DCDC2: variants seen among roughly 807,000 people sequenced by gnomAD.
DCDC2 encodes the protein doublecortin domain containing 2.
A neutral mutation model predicts 50.2 loss-of-function variants in DCDC2; 40 were observed. That is an observed-to-expected ratio of 0.80 (90% confidence interval 0.62 to 1.04). The LOEUF is 1.04. Among genes scored for constraint, DCDC2 ranks in the 50% least tolerant of loss-of-function variants. The pLI, the probability that DCDC2 is intolerant of heterozygous loss-of-function variation, is 0.00. For missense variants in DCDC2, 570 were observed against 581.9 expected, an observed-to-expected ratio of 0.98 and a Z score of 0.21; for synonymous variants, 234 against 210.6, an observed-to-expected ratio of 1.11 and a Z score of -0.96.
chr6:24,178,186 G>T, intron 9 of DCDC2, 144 bp downstream of exon 9: 2 of 790,296 alleles, frequency 2.5e-6, no homozygotes, highest in South Asian at 1.7e-5. Context: ...TAAGTAAAGG[G>T]ATTAAATGGT....
intron 7 of DCDC2, among the ~76,000 whole-genome samples, chr6:24,223,443 T>A (rs1305344581): frequency 6.6e-6 from 1 of 152,212 alleles, no homozygotes; most frequent in Non-Finnish European, 1.5e-5. Context: ...ATATTTTGTG[T>A]ATCGAGCACT....
At chr6:24,188,811 T>TA (rs764638558) in intron 8 of DCDC2, among the ~76,000 whole-genome samples, 4 of 152,078 alleles carry the variant, frequency 2.6e-5, no homozygotes, top group Non-Finnish European at 5.9e-5. Context: ...AAATCCCCAT[T>TA]AAACTGATGT....
chr6:24,269,501 G>A (rs1407863838), intron 7 of DCDC2, among the ~76,000 whole-genome samples: 3 of 152,164 alleles, frequency 2.0e-5, no homozygotes, highest in Non-Finnish European at 4.4e-5. Context: ...TAAGTACTGA[G>A]CAATTAGAAC....
At chr6:24,332,891 C>T (rs1759991167) in intron 2 of DCDC2, among the ~76,000 whole-genome samples, 1 of 152,130 alleles carries the variant, frequency 6.6e-6, no homozygotes, top group South Asian at 2.1e-4. Flanking sequence ...TATCTAACCT[C>T]TTGGAGTTTA....
At chr6:24,354,985 A>G (rs1437971260) in intron 1 of DCDC2, among the ~76,000 whole-genome samples, 14 of 152,164 alleles carry the variant, frequency 9.2e-5, no homozygotes. Flanking sequence ...ATTGTCCTCA[A>G]TATCGTTTGG....
intron 9 of DCDC2, among the ~76,000 whole-genome samples, chr6:24,177,933 C>T (rs1415613663): frequency 6.6e-6 from 1 of 152,180 alleles, no homozygotes; most frequent in East Asian, 1.9e-4. Context: ...TATTTCATGT[C>T]TAGGTCTCAC....
At chr6:24,372,668 A>C in the DCDC2 span, among the ~76,000 whole-genome samples, 3 of 152,148 alleles carry the variant, frequency 2.0e-5, no homozygotes, top group African/African-American at 7.2e-5. Flanking sequence ...TCGCAAGGAC[A>C]AAAAACCAAA....
intron 1 of DCDC2, among the ~76,000 whole-genome samples, chr6:24,354,973 G>A (rs545051128): frequency 1.1e-4 from 16 of 152,250 alleles, no homozygotes; most frequent in South Asian, 2.1e-4. Flanking sequence ...GAAAGCCCAC[G>A]AATTGTCCTC....
In DCDC2 at chr6:24,174,557, T is replaced by C. The variant is rs1760857699; in HGVS notation, c.*173A>G. ...GCAATAAAAGTAAGTAATTATCCTT[T>C]AGTAGCCATTTAAAGTTATCTGGTC... On this transcript the variant is annotated 3_prime_UTR_variant, in exon 10 of 10. Coordinates refer to ENST00000378454, the MANE Select transcript of DCDC2 (RefSeq NM_016356.5). The C allele has an allele frequency of 2.1e-6, 1 of 465,262 alleles. No homozygotes were observed. The highest frequency in any genetic ancestry group is 2.0e-5 in the African/African-American group (1 of 51,066). The allele number at this position is 465,262 out of a possible 1,614,324, so 28.8% of individuals were successfully genotyped here.
intron 6 of DCDC2, among the ~76,000 whole-genome samples, chr6:24,284,274 C>T (rs1763542979): frequency 6.6e-6 from 1 of 152,086 alleles, no homozygotes; most frequent in African/African-American, 2.4e-5. Context: ...TTGCCCCAAA[C>T]CATTTCTCTA....
intron 1 of DCDC2, among the ~76,000 whole-genome samples, chr6:24,353,863 A>G (rs1260420792): frequency 2.6e-5 from 4 of 152,224 alleles, no homozygotes; most frequent in Non-Finnish European, 5.9e-5. Context: ...AAATACATAC[A>G]TCTATTAGAG....
In DCDC2 at chr6:24,357,788, G is replaced by C; in HGVS notation, c.-38C>G. The C allele has an allele frequency of 6.2e-7, 1 of 1,611,860 alleles. No homozygotes were observed. Among genetic ancestry groups the C allele is most frequent in the Non-Finnish European group, 8.5e-7 (1 of 1,179,180 alleles). ...CCGCCGCCTCAGCTCGCTGCTTCGC[G>C]TCGGGAGGCACCTCCGCTGTCCCAG... On this transcript the variant is annotated 5_prime_UTR_variant, in exon 1 of 10. Coordinates refer to ENST00000378454, the MANE Select transcript of DCDC2 (RefSeq NM_016356.5).
chr6:24,272,902 T>A (rs750723666), intron 7 of DCDC2, among the ~76,000 whole-genome samples: 6 of 152,074 alleles, frequency 3.9e-5, no homozygotes, highest in Admixed American at 1.3e-4. Flanking sequence ...AAAAGACACC[T>A]GCACTTGTAT....
intron 7 of DCDC2, among the ~76,000 whole-genome samples, chr6:24,249,616 C>T (rs564754165): frequency 3.3e-5 from 5 of 152,076 alleles, no homozygotes; most frequent in East Asian, 1.9e-4. Context: ...CTAATCCAAC[C>T]GACAGTGTTA....
At chr6:24,217,424 A>G (rs746855903) in intron 7 of DCDC2, among the ~76,000 whole-genome samples, 33 of 152,250 alleles carry the variant, frequency 2.2e-4, no homozygotes, top group Non-Finnish European at 2.9e-4. Context: ...TGTTTCTACT[A>G]TAAGTATAAA....
At position 24,326,533 on chromosome 6, in the gene DCDC2, GA is replaced by G. The variant is rs541406925; in HGVS notation, c.349-24490del. Among the ~76,000 whole-genome samples, 3 of 149,082 alleles carry G rather than the reference GA, an allele frequency of 2.0e-5. 1 individual carries two copies. Among genetic ancestry groups the G allele is most frequent in the African/African-American group, 7.3e-5 (3 of 41,250 alleles). On this transcript the variant is annotated intron_variant, in intron 2 of 9. Transcript: ENST00000378454. ...GGAAGCCAACATTTATCTAGCAGAA[GA>G]AAAAAACACCATCATTTGTATCAAT...
upstream of DCDC2, among the ~76,000 whole-genome samples, chr6:24,358,512 TA>T (rs966038766): frequency 0.037 from 2,775 of 75,910 alleles, 81 homozygotes; most frequent in African/African-American, 0.093. Flanking sequence ...TCTCTACAAT[TA>T]AAAAAAAAAA....
chr6:24,377,876 C>A, the DCDC2 span, among the ~76,000 whole-genome samples: 2 of 152,082 alleles, frequency 1.3e-5, no homozygotes, highest in African/African-American at 4.8e-5. Flanking sequence ...GTAATCCCAG[C>A]TACTCAGGAG....
intron 2 of DCDC2, among the ~76,000 whole-genome samples, chr6:24,333,622 T>C (rs1175259775): frequency 6.6e-6 from 1 of 152,228 alleles, no homozygotes; most frequent in East Asian, 1.9e-4. Context: ...AAAACATTGA[T>C]GTAAAGTCTT....
Sources: allele counts gnomAD v4.1 joint callset (sites outside exome capture counted in the v4.1 genomes callset), GRCh38; gene constraint gnomAD v4.1.1; transcripts MANE v1.5; gene names NCBI Gene and HGNC (gene_info 2026-07-23, HGNC 2026-07-21).